ACOX2: variants seen among roughly 807,000 people sequenced by gnomAD.
The protein encoded by ACOX2 is acyl-CoA oxidase 2.
ACOX2 carries 59 observed loss-of-function variants against 77.5 expected under a neutral mutation model. The observed-to-expected ratio is 0.76, with a 90% CI of 0.62 to 0.95. The LOEUF (loss-of-function observed/expected upper bound fraction) is 0.95. Among genes scored for constraint, ACOX2 ranks in the 40% least tolerant of loss-of-function variants. ACOX2 has a pLI of 0.00. For synonymous variants in ACOX2, 317 were observed against 340.1 expected (o/e 0.93, Z 0.75); for missense variants, 837 against 880.4 (o/e 0.95, Z 0.62).
At chr3:58,517,118 G>T in intron 13 of ACOX2, 88 bp downstream of exon 13, 1 of 1,424,708 alleles carries the variant, frequency 7.0e-7, no homozygotes, top group Non-Finnish European at 9.8e-7. Flanking sequence ...CTGCCCATTA[G>T]CAAGGTTTTG....
chr3:58,516,173 T>C (rs1294115465), intron 13 of ACOX2, among the ~76,000 whole-genome samples: 25 of 152,212 alleles, frequency 1.6e-4, no homozygotes, highest in Admixed American at 1.4e-3. Flanking sequence ...ATTTTATAAA[T>C]CAATATATGA....
In ACOX2 at chr3:58,522,541, G is replaced by A. The variant is rs548973247; in HGVS notation, c.1587C>T (p.His529=). 2.7e-5 allele frequency: 43 copies of A among 1,614,040 alleles called. No homozygotes were observed. The highest frequency in any genetic ancestry group is 2.6e-4 in the South Asian group (24 of 91,086). ...QTLTQSGADQ[H]EAWNQTTVIH... Reference sequence around the variant, plus strand: ...TGACAGTGGTCTGGTTCCAAGCCTCGTGCTGGTCAGCTCCGGATTGCGTCA... The same window carrying A: ...TGACAGTGGTCTGGTTCCAAGCCTCATGCTGGTCAGCTCCGGATTGCGTCA... Residue 529 remains histidine (H), a synonymous_variant, in exon 12 of 15, where the codon CAC becomes CAT. Coordinates refer to ENST00000302819, the MANE Select transcript of ACOX2 (RefSeq NM_003500.4). The surrounding 1 kb of genome is among the most constrained non-coding windows in gnomAD (Gnocchi z 4.3).
At chr3:58,508,288 A>G (rs1257956282) in intron 14 of ACOX2, among the ~76,000 whole-genome samples, 1 of 151,966 alleles carries the variant, frequency 6.6e-6, no homozygotes, top group Non-Finnish European at 1.5e-5. Flanking sequence ...CTCTCCTAGG[A>G]TGGCTGGGGA....
chr3:58,536,022 G>A (rs1044638517), intron 1 of ACOX2, among the ~76,000 whole-genome samples: 1 of 151,888 alleles, frequency 6.6e-6, no homozygotes, highest in African/African-American at 2.4e-5. Flanking sequence ...AAATCACATT[G>A]TTTTCCTCTC....
At position 58,524,402 on chromosome 3, in the gene ACOX2, G is replaced by T; in HGVS notation, c.1526+24C>A. The T allele has an allele frequency of 6.2e-7, 1 of 1,601,956 alleles. No individual in the cohort carries two copies. The highest frequency in any genetic ancestry group is 1.1e-5 in the South Asian group (1 of 90,656). On this transcript the variant is annotated intron_variant, in intron 11 of 14. Coordinates refer to ENST00000302819, the MANE Select transcript of ACOX2 (RefSeq NM_003500.4). This position sits in a 1 kb window ranked among gnomAD's most constrained non-coding sequence, Gnocchi z 5.5. Reference sequence around the variant, plus strand: ...ATGGAGCCTGTGCCCAGGTGGGATGGCTGATTTCTCAGCACTGGCTTACCT... The same window carrying T: ...ATGGAGCCTGTGCCCAGGTGGGATGTCTGATTTCTCAGCACTGGCTTACCT...
In ACOX2 at chr3:58,531,435, A is replaced by T. The variant is rs759208851; in HGVS notation, c.704-69T>A. 2.8e-6 allele frequency: 4 copies of T among 1,437,484 alleles called. No homozygotes were observed. In the South Asian group the frequency reaches 4.7e-5, roughly 17 times the overall value. 89.0% of individuals were successfully genotyped at this position (1,437,484 alleles called of 1,614,324 possible). A position where few individuals can be genotyped will look rare whatever the true frequency, so the allele number is the denominator to read the frequency against. Reference sequence around the variant, plus strand: ...GCTTGCTATGTGGCAGGTATCATACACACATTCCAGGTCACAGCAGCCTGT... The same window carrying T: ...GCTTGCTATGTGGCAGGTATCATACTCACATTCCAGGTCACAGCAGCCTGT... On this transcript the variant is annotated intron_variant, in intron 6 of 14. Coordinates refer to ENST00000302819, the MANE Select transcript of ACOX2 (RefSeq NM_003500.4). The surrounding 1 kb of genome is among the most constrained non-coding windows in gnomAD (Gnocchi z 5.8).
At chr3:58,509,993 T>C (rs1457575142) in intron 13 of ACOX2, among the ~76,000 whole-genome samples, 1 of 152,164 alleles carries the variant, frequency 6.6e-6, no homozygotes, top group Non-Finnish European at 1.5e-5. Context: ...ATGGTTCAGT[T>C]TGAGATATTA....
intron 13 of ACOX2, among the ~76,000 whole-genome samples, chr3:58,510,661 A>AT (rs1416792777): frequency 0.046 from 867 of 18,856 alleles, 120 homozygotes; most frequent in Non-Finnish European, 0.06. Context: ...AAAAAAAAAA[A>AT]AAATATATAT....
Position 58,535,277 on chromosome 3 carries a change from A to G in ACOX2, c.-91-80T>C. 2 of 723,894 alleles carry G rather than the reference A, an allele frequency of 2.8e-6. No homozygotes were observed. The highest frequency in any genetic ancestry group is 2.5e-5 in the Admixed American group (1 of 39,392). 44.8% of individuals were successfully genotyped at this position (723,894 alleles called of 1,614,324 possible). A position where few individuals can be genotyped will look rare whatever the true frequency, so the allele number is the denominator to read the frequency against. On this transcript the variant is annotated intron_variant, in intron 1 of 14. Transcript: ENST00000302819. This position sits in a 1 kb window ranked among gnomAD's most constrained non-coding sequence, Gnocchi z 4.8. ...AAGAAAGACATCCCTAAGTACCTGA[A>G]TGCCACTCCACCTCCCCACTCCCCC...
rs369036973 is a variant in ACOX2 at position 58,531,860 on chromosome 3, G to A, written c.584-48C>T. 1.3e-6 allele frequency: 2 copies of A among 1,568,176 alleles called. No individual in the cohort carries two copies. Among genetic ancestry groups the A allele is most frequent in the African/African-American group, 1.4e-5 (1 of 73,772 alleles). ...CCCGTCACAGGAAGACCTGTGCATT[G>A]CTTTTCCCAACCAACCCAGCCTCCT... On this transcript the variant is annotated intron_variant, in intron 5 of 14. Transcript: ENST00000302819. This position sits in a 1 kb window ranked among gnomAD's most constrained non-coding sequence, Gnocchi z 5.8.
intron 5 of ACOX2, among the ~76,000 whole-genome samples, chr3:58,532,431 G>T (rs1289118448): frequency 1.3e-5 from 2 of 151,114 alleles, no homozygotes; most frequent in African/African-American, 2.4e-5. Context: ...CTTTCGCCAG[G>T]CTGGAGTGCA....
At chr3:58,513,158 C>G (rs1404450678) in intron 13 of ACOX2, among the ~76,000 whole-genome samples, 1 of 152,130 alleles carries the variant, frequency 6.6e-6, no homozygotes, top group Non-Finnish European at 1.5e-5. Context: ...TCCTCCACTT[C>G]CTGCTATCCT....
Position 58,524,431 on chromosome 3 carries a change from T to C in ACOX2, c.1521A>G (p.Ala507=), listed in dbSNP as rs1198353395. Residue 507 remains alanine (A), a synonymous_variant, in exon 11 of 15, where the codon GCA becomes GCG. Coordinates refer to ENST00000302819, the MANE Select transcript of ACOX2 (RefSeq NM_003500.4). The surrounding 1 kb of genome is among the most constrained non-coding windows in gnomAD (Gnocchi z 5.5). ...ATTTCTCAGCACTGGCTTACCTTAC[T>C]GCCACATGTGCCCAGGCCGTGGTGT... is the stretch of plus-strand genomic sequence containing the variant. The part of the protein sequence containing the change: ...ELYTTAWAHV[A]VRLIKDSVQH... 6.2e-7 allele frequency: 1 copy of C among 1,612,628 alleles called. No individual in the cohort carries two copies. The highest frequency in any genetic ancestry group is 8.5e-7 in the Non-Finnish European group (1 of 1,178,734).
chr3:58,510,540 G>A (rs1411654576), intron 13 of ACOX2, among the ~76,000 whole-genome samples: 1 of 147,368 alleles, frequency 6.8e-6, no homozygotes, highest in Admixed American at 6.8e-5. Flanking sequence ...GGCTGAGGTG[G>A]GAGAATCGCT....
chr3:58,534,037 G>A lies in ACOX2; in HGVS notation c.432C>T (p.Asn144=), dbSNP rs144110956. The A allele has an allele frequency of 4.6e-5, 74 of 1,614,084 alleles. No homozygotes were observed. Among genetic ancestry groups the A allele is most frequent in the Non-Finnish European group, 4.5e-5 (53 of 1,180,054 alleles). The change falls in exon 4 of 15, where the codon AAC becomes AAT. Residue 144 remains asparagine (N), a synonymous_variant. Transcript: ENST00000302819. The surrounding 1 kb of genome is among the most constrained non-coding windows in gnomAD (Gnocchi z 4.8). The stretch of plus-strand genomic sequence containing the variant: ...GTGCATACGTTGCGATGATCTGGAT[G>A]TTTTTGCAGAGTGGGTCCCATTTGG... ...QIAKWDPLCK[N]IQIIATYAQT...
At chr3:58,510,935 A>G (rs1226317577) in intron 13 of ACOX2, 2 of 455,596 alleles carry the variant, frequency 4.4e-6, no homozygotes, top group Middle Eastern at 3.3e-4. Context: ...ATATTTACTC[A>G]TTGTTCATTT....
chr3:58,514,740 T>G lies in ACOX2; in HGVS notation c.1850+2466A>C, dbSNP rs2107991897. Among the ~76,000 whole-genome samples, 1 of 152,330 alleles carries G rather than the reference T, an allele frequency of 6.6e-6. No homozygotes were observed. Among genetic ancestry groups the G allele is most frequent in the East Asian group, 1.9e-4 (1 of 5,186 alleles). ...AAGTTTCTGGAGCCAAGGCAAGCAC[T>G]TAGAAATGCTGTTTGCAAATTTAAA... On this transcript the variant is annotated intron_variant, in intron 13 of 14. Transcript: ENST00000302819. The surrounding 1 kb of genome is among the most constrained non-coding windows in gnomAD (Gnocchi z 4.3).
In ACOX2 at chr3:58,509,040, A is replaced by G. The variant is rs753401525; in HGVS notation, c.1851-15T>C. The G allele has an allele frequency of 1.2e-6, 2 of 1,613,524 alleles. No homozygotes were observed. Among genetic ancestry groups the G allele is most frequent in the Non-Finnish European group, 1.7e-6 (2 of 1,179,540 alleles). ...TGGCATCCTTCCTGGGATAGGAAAC[A>G]AGAGTTTGTAAGTATTTTAGATTGC... On this transcript the variant is annotated splice_polypyrimidine_tract_variant and intron_variant, in intron 13 of 14. Coordinates refer to ENST00000302819, the MANE Select transcript of ACOX2 (RefSeq NM_003500.4).
At position 58,531,616 on chromosome 3, in the gene ACOX2, C is replaced by A. The variant is rs1346778481; in HGVS notation, c.703+77G>T. On this transcript the variant is annotated intron_variant, in intron 6 of 14. Transcript: ENST00000302819. The surrounding 1 kb of genome is among the most constrained non-coding windows in gnomAD (Gnocchi z 5.8). ...ACATGTCTTAGCTACTCCTGTGGCC[C>A]TCTGGGGCCCCAGGTCAGGGAGGCC... 9 of 1,569,114 alleles carry A rather than the reference C, an allele frequency of 5.7e-6. No individual in the cohort carries two copies. In the East Asian group the frequency reaches 2.0e-4, roughly 35 times the overall value.
Sources: gnomAD v4.1 joint callset for allele counts (sites outside exome capture counted in the v4.1 genomes callset) on GRCh38, gnomAD v4.1.1 for gene constraint, Gnocchi (gnomAD v3.1) non-coding constraint, MANE v1.5 for transcripts, NCBI Gene and HGNC (gene_info 2026-07-23, HGNC 2026-07-21) for gene names.